The following UMAD1 variants were observed in gnomAD, a reference collection of about 807,000 sequenced individuals.
UMAD1 encodes the protein UBAP1-MVB12-associated (UMA)-domain containing protein 1.
A neutral mutation model predicts 6.1 loss-of-function variants in UMAD1; 8 were observed. The ratio of observed to expected loss-of-function variants is 1.30; its 90% CI spans 0.76 to 2.35. The LOEUF (loss-of-function observed/expected upper bound fraction) is 2.35. Ranked by LOEUF, UMAD1 falls within the 30% of genes most tolerant of loss-of-function variation. The pLI, the probability that UMAD1 is intolerant of heterozygous loss-of-function variation, is 0.00. For missense variants in UMAD1, 130 were observed against 78.4 expected, an observed-to-expected ratio of 1.66 and a Z score of -2.49; for synonymous variants, 56 against 31.4, an observed-to-expected ratio of 1.78 and a Z score of -2.61.
chr7:7,849,611 G>A (rs1783875431), intron 3 of UMAD1, among the ~76,000 whole-genome samples: 1 of 152,118 alleles, frequency 6.6e-6, no homozygotes, highest in Admixed American at 6.6e-5. Context: ...CTGTATACCA[G>A]GTATTCTCTC....
intron 1 of UMAD1, among the ~76,000 whole-genome samples, chr7:7,661,470 T>C (rs1785472491): frequency 6.6e-6 from 1 of 152,230 alleles, no homozygotes; most frequent in Admixed American, 6.5e-5. Flanking sequence ...CCTTTGATGC[T>C]GGTGACCTTT....
At chr7:7,857,407 C>T (rs1335146514) in intron 3 of UMAD1, among the ~76,000 whole-genome samples, 1 of 152,222 alleles carries the variant, frequency 6.6e-6, no homozygotes, top group African/African-American at 2.4e-5. Flanking sequence ...TTCCTGAGAA[C>T]AGATTGCAGC....
intron 1 of UMAD1, among the ~76,000 whole-genome samples, chr7:7,668,199 CA>C (rs1175693433): frequency 2.0e-5 from 3 of 152,142 alleles, no homozygotes; most frequent in Non-Finnish European, 2.9e-5. Context: ...AGGTGTAAGC[CA>C]CCATGCCTGG....
chr7:7,834,646 T>A (rs11768766), intron 3 of UMAD1, among the ~76,000 whole-genome samples: 1 of 151,814 alleles, frequency 6.6e-6, no homozygotes, highest in Admixed American at 6.6e-5. Flanking sequence ...CTCCCTCTTC[T>A]TCCTATAAAG....
At chr7:7,815,373 T>A (rs1783106264) in intron 3 of UMAD1, among the ~76,000 whole-genome samples, 1 of 152,170 alleles carries the variant, frequency 6.6e-6, no homozygotes, top group African/African-American at 2.4e-5. Context: ...AAGGAAATTA[T>A]GGTTAATGCC....
intron 2 of UMAD1, among the ~76,000 whole-genome samples, chr7:7,692,036 A>G (rs890713176): frequency 6.6e-6 from 1 of 152,236 alleles, no homozygotes; most frequent in Admixed American, 6.5e-5. Context: ...GCTTCTACAC[A>G]TAGTACAGTA....
chr7:7,738,569 A>G (rs772649958), intron 2 of UMAD1: 5 of 152,252 alleles, frequency 3.3e-5, no homozygotes, highest in Non-Finnish European at 5.9e-5. Flanking sequence ...CTTGTAACCA[A>G]ATACTGTTCA....
chr7:7,828,546 C>T (rs568461982), intron 3 of UMAD1, among the ~76,000 whole-genome samples: 29 of 152,308 alleles, frequency 1.9e-4, no homozygotes, highest in Admixed American at 1.2e-3. Context: ...TATATCAACC[C>T]ATAGGGACCC....
At chr7:7,856,995 G>C (rs1253476341) in intron 3 of UMAD1, among the ~76,000 whole-genome samples, 1 of 152,142 alleles carries the variant, frequency 6.6e-6, no homozygotes, top group Non-Finnish European at 1.5e-5. Context: ...TATAGTTGAT[G>C]ATCCCAGGTA....
chr7:7,832,045 C>T (rs144625305), intron 3 of UMAD1, among the ~76,000 whole-genome samples: 1,524 of 152,248 alleles, frequency 0.01, 11 homozygotes, highest in South Asian at 0.037. Flanking sequence ...TTTTGAAAAA[C>T]GCTGGCCCTT....
Position 7,798,232 on chromosome 7 carries a change from C to T in UMAD1, c.83-3438C>T, listed in dbSNP as rs186922487. Among the ~76,000 whole-genome samples, 57 of 152,276 alleles carry T rather than the reference C, an allele frequency of 3.7e-4. 1 individual carries two copies. The highest frequency in any genetic ancestry group is 6.8e-3 in the Middle Eastern group (2 of 294). ...TCTGACCCTTTACAAAAAAAATTTGCCAACCCCTCGTCTAAAATATAGATG... is the reference window on the plus strand; with the variant it reads ...TCTGACCCTTTACAAAAAAAATTTGTCAACCCCTCGTCTAAAATATAGATG... On this transcript the variant is annotated intron_variant, in intron 2 of 3. Transcript: ENST00000682710.
At position 7,877,683 on chromosome 7, in the gene UMAD1, A is replaced by G. The variant is rs1297764306; in HGVS notation, c.*145A>G. On this transcript the variant is annotated 3_prime_UTR_variant, in exon 4 of 4. Coordinates refer to ENST00000682710, the MANE Select transcript of UMAD1 (RefSeq NM_001302348.2). ...AAAATAGCATTATGTTCACTACTCT[A>G]TTTTTAAGAAAAAGGTACATTTGTA... 15 of 593,072 alleles carry G rather than the reference A, an allele frequency of 2.5e-5. No homozygotes were observed. The highest frequency in any genetic ancestry group is 1.9e-4 in the East Asian group (7 of 36,108). The allele number at this position is 593,072 out of a possible 1,614,324, so 36.7% of individuals were successfully genotyped here.
At chr7:7,867,189 G>C (rs1001789905) in intron 3 of UMAD1, among the ~76,000 whole-genome samples, 1 of 152,202 alleles carries the variant, frequency 6.6e-6, no homozygotes, top group Non-Finnish European at 1.5e-5. Context: ...CATGTTGAGT[G>C]TAAGATGTCC....
At chr7:7,768,889 A>T (rs1782046996) in intron 2 of UMAD1, among the ~76,000 whole-genome samples, 1 of 152,220 alleles carries the variant, frequency 6.6e-6, no homozygotes, top group Non-Finnish European at 1.5e-5. Flanking sequence ...TCTATAACAT[A>T]TTAATTAAGT....
Position 7,830,544 on chromosome 7 carries a change from T to C in UMAD1, c.156+28801T>C, listed in dbSNP as rs878886143. Among the ~76,000 whole-genome samples the C allele has an allele frequency of 6.6e-6, 1 of 152,196 alleles. No homozygotes were observed. The highest frequency in any genetic ancestry group is 1.5e-5 in the Non-Finnish European group (1 of 68,034). ...CTTTCTTTTAACATGCGTGTTTTTC[T>C]TCTTTGCTCTGGGTGCCCAAAAACT... On this transcript the variant is annotated intron_variant, in intron 3 of 3. Transcript: ENST00000682710. This position sits in a 1 kb window ranked among gnomAD's most constrained non-coding sequence, Gnocchi z 5.3.
chr7:7,781,075 T>A (rs1284884435), intron 2 of UMAD1, among the ~76,000 whole-genome samples: 1 of 152,210 alleles, frequency 6.6e-6, no homozygotes, highest in Non-Finnish European at 1.5e-5. Context: ...AAGTTCTTGA[T>A]ACATATTGCC....
In UMAD1 at chr7:7,827,210, T is replaced by C. The variant is rs1047498223; in HGVS notation, c.156+25467T>C. 2.0e-5 allele frequency among the ~76,000 whole-genome samples: 3 copies of C among 149,926 alleles called. No individual in the cohort carries two copies. The South Asian group carries it at 6.3e-4, about 31-fold the overall frequency. Reference sequence around the variant, plus strand: ...TGAAAATTTAAATAATGGAATATTATAGCATATGATTTTGTGTTAATCATG... The same window carrying C: ...TGAAAATTTAAATAATGGAATATTACAGCATATGATTTTGTGTTAATCATG... On this transcript the variant is annotated intron_variant, in intron 3 of 3. Coordinates refer to ENST00000682710, the MANE Select transcript of UMAD1 (RefSeq NM_001302348.2).
At chr7:7,669,484 G>T (rs1030083422) in intron 1 of UMAD1, among the ~76,000 whole-genome samples, 1 of 152,166 alleles carries the variant, frequency 6.6e-6, no homozygotes, top group Non-Finnish European at 1.5e-5. Context: ...AGAATATCAT[G>T]GGATTAAGAT....
intron 3 of UMAD1, among the ~76,000 whole-genome samples, chr7:7,874,078 C>A (rs573398810): frequency 8.5e-5 from 13 of 152,296 alleles, no homozygotes; most frequent in Admixed American, 2.0e-4. Context: ...GTACTCTTTC[C>A]CATCCCTATA....
Sources: gnomAD v4.1 joint callset for allele counts (sites outside exome capture counted in the v4.1 genomes callset) on GRCh38, gnomAD v4.1.1 for gene constraint, Gnocchi (gnomAD v3.1) non-coding constraint, MANE v1.5 for transcripts, NCBI Gene and HGNC (gene_info 2026-07-23, HGNC 2026-07-21) for gene names.